BRD10: variants seen among roughly 807,000 people sequenced by gnomAD.
BRD10 encodes the protein bromodomain containing 10.
the BRD10 span, chr9:5,909,819 T>A: frequency 6.6e-6 from 1 of 152,212 alleles, no homozygotes; most frequent in African/African-American, 2.4e-5. Flanking sequence ...GATCAGAGAT[T>A]CTGGAATGGT....
At chr9:5,983,984 C>T in the BRD10 span, among the ~76,000 whole-genome samples, 1 of 151,104 alleles carries the variant, frequency 6.6e-6, no homozygotes, top group African/African-American at 2.4e-5. Context: ...CACACACACA[C>T]ACACACACAC....
chr9:5,991,182 A>G, the BRD10 span, among the ~76,000 whole-genome samples: 165 of 6,788 alleles, frequency 0.024, no homozygotes, highest in South Asian at 0.097. Flanking sequence ...GTGTGTGTGT[A>G]TATATATATA....
chr9:5,975,541 T>C, the BRD10 span, among the ~76,000 whole-genome samples: 1 of 148,348 alleles, frequency 6.7e-6, no homozygotes, highest in African/African-American at 2.5e-5. Context: ...AGTAGAGACA[T>C]GAGAGATATA....
chr9:5,928,993 G>A, the BRD10 span: 21 of 981,304 alleles, frequency 2.1e-5, no homozygotes, highest in African/African-American at 1.2e-4. Flanking sequence ...TCCAAAAATC[G>A]TAAATTAAGG....
At chr9:5,973,860 C>T in the BRD10 span, among the ~76,000 whole-genome samples, 2 of 152,090 alleles carry the variant, frequency 1.3e-5, no homozygotes. Flanking sequence ...CTAGCCTGGG[C>T]AACAGAGCAA....
chr9:5,917,784 C>CAG, the BRD10 span, among the ~76,000 whole-genome samples: 1 of 152,120 alleles, frequency 6.6e-6, no homozygotes, highest in African/African-American at 2.4e-5. Context: ...ATCCAGGAGG[C>CAG]AGAGGTTGCA....
the BRD10 span, among the ~76,000 whole-genome samples, chr9:5,934,849 A>T: frequency 3.3e-5 from 5 of 152,230 alleles, no homozygotes; most frequent in Admixed American, 1.3e-4. Context: ...GTATAAAAAC[A>T]GTATATAATA....
At chr9:5,976,794 G>A in the BRD10 span, among the ~76,000 whole-genome samples, 2 of 151,744 alleles carry the variant, frequency 1.3e-5, no homozygotes, top group Admixed American at 1.3e-4. Flanking sequence ...AAAAAAATCT[G>A]GGAATCCTGA....
At chr9:5,889,630 CA>C in the BRD10 span, among the ~76,000 whole-genome samples, 1 of 152,076 alleles carries the variant, frequency 6.6e-6, no homozygotes, top group South Asian at 2.1e-4. Flanking sequence ...ACTAAAAATA[CA>C]AAAATTTGCC....
At chr9:5,921,265 T>C in the BRD10 span, 1 of 1,614,034 alleles carries the variant, frequency 6.2e-7, no homozygotes, top group Non-Finnish European at 8.5e-7. Context: ...GACCTATGTT[T>C]AGTCCAATTT....
chr9:5,940,886 T>G, the BRD10 span, among the ~76,000 whole-genome samples: 1 of 152,196 alleles, frequency 6.6e-6, no homozygotes, highest in East Asian at 1.9e-4. Context: ...AAAGATGTGG[T>G]CTTACATTTA....
the BRD10 span, among the ~76,000 whole-genome samples, chr9:5,953,804 T>C: frequency 6.6e-6 from 1 of 152,200 alleles, no homozygotes; most frequent in African/African-American, 2.4e-5. Context: ...GTTTTTATTA[T>C]TAAAAGACAA....
At chr9:5,917,221 A>C in the BRD10 span, among the ~76,000 whole-genome samples, 48 of 152,362 alleles carry the variant, frequency 3.2e-4, no homozygotes, top group Middle Eastern at 6.8e-3. Flanking sequence ...TCTCAGTCTG[A>C]GTGACTGCAC....
the BRD10 span, among the ~76,000 whole-genome samples, chr9:5,881,405 G>A: frequency 6.6e-6 from 1 of 152,310 alleles, no homozygotes; most frequent in East Asian, 1.9e-4. Flanking sequence ...CCAGAGACAC[G>A]GGGTGGTCCA....
chr9:5,972,869 C>T, the BRD10 span, among the ~76,000 whole-genome samples: 48 of 152,202 alleles, frequency 3.2e-4, 1 homozygote, highest in East Asian at 9.1e-3. Context: ...AATGGAGTAT[C>T]TTTAATATAC....
chr9:5,898,119 C>T, the BRD10 span: 1 of 157,206 alleles, frequency 6.4e-6, no homozygotes, highest in Non-Finnish European at 1.4e-5. Flanking sequence ...ACATGAGTCA[C>T]TGTAGCCTTG....
the BRD10 span, among the ~76,000 whole-genome samples, chr9:5,932,991 A>T: frequency 6.6e-6 from 1 of 152,216 alleles, no homozygotes; most frequent in East Asian, 1.9e-4. Flanking sequence ...TCTGTCTTCA[A>T]ACACAAAGAC....
At chr9:5,989,426 CAA>C in the BRD10 span, among the ~76,000 whole-genome samples, 29 of 72,886 alleles carry the variant, frequency 4.0e-4, no homozygotes, top group Admixed American at 7.8e-4. Flanking sequence ...GTTCCTACCT[CAA>C]AAAAAAAAAA....
chr9:5,908,428 T>C, the BRD10 span, among the ~76,000 whole-genome samples: 2 of 152,218 alleles, frequency 1.3e-5, no homozygotes, highest in African/African-American at 4.8e-5. Flanking sequence ...GGGAACTCCT[T>C]AACCCTATTT....
Sources: allele counts gnomAD v4.1 joint callset (sites outside exome capture counted in the v4.1 genomes callset), GRCh38; gene constraint gnomAD v4.1.1; transcripts MANE v1.5; gene names NCBI Gene and HGNC (gene_info 2026-07-23, HGNC 2026-07-21).